ANKRD26: variants seen among roughly 807,000 people sequenced by gnomAD.
ANKRD26 encodes the protein ankyrin repeat domain-containing protein 26.
Under a neutral mutation model 208.7 loss-of-function variants are expected in ANKRD26, and 141 were observed. The observed-to-expected ratio is 0.68, with a 90% CI of 0.59 to 0.78. The LOEUF is 0.78. ANKRD26 is among the 30% of genes least tolerant of loss of function. The probability of loss-of-function intolerance (pLI) is 0.00; values close to 1 mark genes in which losing one functional copy is unlikely to be tolerated. For synonymous variants in ANKRD26, 636 were observed against 660.4 expected (o/e 0.96, Z 0.57); for missense variants, 1,889 against 1,938.7 (o/e 0.97, Z 0.48).
chr10:26,991,646 G>C (rs1240844534), downstream of ANKRD26, among the ~76,000 whole-genome samples: 1 of 152,028 alleles, frequency 6.6e-6, no homozygotes, highest in Non-Finnish European at 1.5e-5. Context: ...TCTCCTTTTT[G>C]GTCAGGCTGG....
At chr10:26,983,093 CA>C (rs1444077055) in intron 3 of ANKRD26, among the ~76,000 whole-genome samples, 32 of 152,254 alleles carry the variant, frequency 2.1e-4, no homozygotes, top group Non-Finnish European at 3.8e-4. Flanking sequence ...TACAATTTTG[CA>C]GCATGGTTTT....
the ANKRD26 span, among the ~76,000 whole-genome samples, chr10:26,964,501 G>A: frequency 6.6e-6 from 1 of 152,180 alleles, no homozygotes. Flanking sequence ...CCACCACAGA[G>A]AGCTGTTTCA....
Position 27,100,117 on chromosome 10 carries a change from C to A in ANKRD26, c.210G>T (p.Lys70Asn). Residue 70 changes from lysine (K) to asparagine (N), a missense_variant, in exon 1 of 34, where the codon AAG (lysine) becomes AAT (asparagine). Physicochemically the swap from Lys to Asn is moderately conservative, Grantham distance 94 (BLOSUM62 0). Transcript: ENST00000376087. Reference sequence around the variant, plus strand: ...TCTTGTCTCTATCGTTCAAGCCATTCTTCCTGAGCAAAAGGATCTGCTGCA... The same window carrying A: ...TCTTGTCTCTATCGTTCAAGCCATTATTCCTGAGCAAAAGGATCTGCTGCA... ...AKVQQILLLR[K>N]NGLNDRDKMN... is the part of the protein sequence containing the mutation. 1 of 1,614,136 alleles carries A rather than the reference C, an allele frequency of 6.2e-7. No homozygotes were observed. Among genetic ancestry groups the A allele is most frequent in the Non-Finnish European group, 8.5e-7 (1 of 1,179,972 alleles).
At chr10:27,029,221 C>T in intron 26 of ANKRD26, 65 bp downstream of exon 26, 3 of 1,511,038 alleles carry the variant, frequency 2.0e-6, no homozygotes, top group Middle Eastern at 2.1e-4. Flanking sequence ...ATATAATTCT[C>T]ATACTACACT....
chr10:27,046,506 T>C lies in ANKRD26; in HGVS notation c.1832A>G (p.Gln611Arg). 1.2e-6 allele frequency: 2 copies of C among 1,613,804 alleles called. No individual in the cohort carries two copies. Among genetic ancestry groups the C allele is most frequent in the Non-Finnish European group, 1.7e-6 (2 of 1,179,954 alleles). ...TTCAGTGCTCTTTACTTCCTTCATT[T>C]GCAAGGCAGGACCACTACTTTAAAA... ...KEYASSGPALQMKEVKSTEKE... is the reference protein window; with the variant it reads ...KEYASSGPALRMKEVKSTEKE... The change falls in exon 18 of 34, where the codon CAA becomes CGA. Residue 611 changes from glutamine to arginine, a missense_variant. This residue lies in a region of ANKRD26 where 1,272 missense variants were observed against 1,273.8 expected (regional missense o/e 1.00). Transcript: ENST00000376087.
chr10:27,070,487 T>C (rs2055441920), intron 9 of ANKRD26, among the ~76,000 whole-genome samples: 1 of 152,198 alleles, frequency 6.6e-6, no homozygotes, highest in Non-Finnish European at 1.5e-5. Flanking sequence ...GCAAGACCAG[T>C]ATTCACACAC....
In ANKRD26 at chr10:27,005,520, CAT is replaced by C. The variant is rs3215884; in HGVS notation, c.*68_*69del. 144,352 of 1,558,240 alleles carry C rather than the reference CAT, an allele frequency of 0.093. 8,120 individuals carry two copies. The highest frequency in any genetic ancestry group is 0.27 in the East Asian group (11,986 of 44,036). Reference sequence around the variant, plus strand: ...AAAATACGTTCCTTTAATATTTTTACATGTCATATATTAATATTTAATGAGAA... The same window carrying C: ...AAAATACGTTCCTTTAATATTTTTACGTCATATATTAATATTTAATGAGAA... On this transcript the variant is annotated 3_prime_UTR_variant, in exon 34 of 34. Transcript: ENST00000376087.
intron 5 of ANKRD26, among the ~76,000 whole-genome samples, chr10:26,993,094 A>G (rs1182635394): frequency 7.9e-5 from 12 of 152,200 alleles, no homozygotes; most frequent in Admixed American, 7.9e-4. Flanking sequence ...TATTTATGGT[A>G]CAAAGACAGA....
At chr10:27,022,746 A>T (rs1476786906) in intron 28 of ANKRD26, 59 bp from the exon 29 acceptor site, 11 of 1,436,542 alleles carry the variant, frequency 7.7e-6, no homozygotes, top group Admixed American at 5.5e-5. Flanking sequence ...TTTAATAATT[A>T]TTTAAACAGA....
chr10:26,964,599 A>G, the ANKRD26 span, among the ~76,000 whole-genome samples: 1 of 152,224 alleles, frequency 6.6e-6, no homozygotes, highest in Non-Finnish European at 1.5e-5. Flanking sequence ...CCATCTCATC[A>G]GAGATTACCT....
intron 28 of ANKRD26, among the ~76,000 whole-genome samples, chr10:27,023,338 GA>G (rs57632539): frequency 0.012 from 1,547 of 132,432 alleles, 31 homozygotes; most frequent in African/African-American, 0.039. Context: ...AGATTCCAGG[GA>G]AAAAAAAAAA....
chr10:26,948,994 T>G, the ANKRD26 span, among the ~76,000 whole-genome samples: 1 of 151,602 alleles, frequency 6.6e-6, no homozygotes, highest in Non-Finnish European at 1.5e-5. Context: ...AAACGCCATC[T>G]AAAAAAAATG....
chr10:27,069,928 G>A (rs1176354858), intron 9 of ANKRD26, among the ~76,000 whole-genome samples: 1 of 151,770 alleles, frequency 6.6e-6, no homozygotes, highest in Non-Finnish European at 1.5e-5. Flanking sequence ...AACCAGCCTG[G>A]ATAATATAGC....
intron 7 of ANKRD26, among the ~76,000 whole-genome samples, chr10:27,078,112 GA>G (rs2055765773): frequency 2.0e-5 from 3 of 152,138 alleles, no homozygotes; most frequent in Admixed American, 2.0e-4. Context: ...CCTCTTGTGA[GA>G]AAAACTGTGA....
the ANKRD26 span, among the ~76,000 whole-genome samples, chr10:26,961,904 T>C: frequency 2.0e-5 from 3 of 152,260 alleles, no homozygotes; most frequent in Non-Finnish European, 2.9e-5. Context: ...TGGTGAAGAA[T>C]TGCCAATATA....
At chr10:27,069,442 A>G (rs1007395678) in intron 9 of ANKRD26, among the ~76,000 whole-genome samples, 2 of 152,032 alleles carry the variant, frequency 1.3e-5, no homozygotes, top group African/African-American at 2.4e-5. Context: ...ACATATTAAT[A>G]TAAAATTTGA....
Position 27,048,954 on chromosome 10 carries a change from CTG to C in ANKRD26, c.1659_1660del (p.His553GlnfsTer3). Reference sequence around the variant, plus strand: ...TGCTGATACTTCCATTTCATTATTTCTGTGTTTTTTCCTTTCTTCTTCAACCT... The same window carrying C: ...TGCTGATACTTCCATTTCATTATTTCTGTTTTTTCCTTTCTTCTTCAACCT... On this transcript the variant is annotated frameshift_variant, in exon 17 of 34. Transcript: ENST00000376087. LOFTEE classifies it high-confidence loss of function. 2 of 1,605,946 alleles carry C rather than the reference CTG, an allele frequency of 1.2e-6. No individual in the cohort carries two copies. Among genetic ancestry groups the C allele is most frequent in the Non-Finnish European group, 1.7e-6 (2 of 1,175,484 alleles).
intron 32 of ANKRD26, among the ~76,000 whole-genome samples, chr10:27,009,750 C>T (rs903459698): frequency 1.6e-4 from 25 of 152,024 alleles, no homozygotes; most frequent in Non-Finnish European, 3.2e-4. Flanking sequence ...AAATAAACTA[C>T]GTTTTATAAA....
chr10:27,006,837 G>T, intron 33 of ANKRD26, 80 bp downstream of exon 33: 1 of 1,100,584 alleles, frequency 9.1e-7, no homozygotes, highest in Non-Finnish European at 1.4e-6. Flanking sequence ...CAATGGAAAG[G>T]GATCCCACTC....
Sources: gnomAD v4.1 joint callset for allele counts (sites outside exome capture counted in the v4.1 genomes callset) on GRCh38, gnomAD v4.1.1 for gene constraint, gnomAD v4.1.1 regional missense constraint, MANE v1.5 for transcripts, NCBI Gene and HGNC (gene_info 2026-07-23, HGNC 2026-07-21) for gene names.